The following ABCA1 variants were observed in gnomAD, a reference collection of about 807,000 sequenced individuals.
The protein encoded by ABCA1 is phospholipid-transporting ATPase ABCA1.
A neutral mutation model predicts 262.5 loss-of-function variants in ABCA1; 133 were observed. That is an observed-to-expected ratio of 0.51 (90% confidence interval 0.44 to 0.59). The LOEUF (loss-of-function observed/expected upper bound fraction) is 0.59. Among genes scored for constraint, ABCA1 ranks in the 20% least tolerant of loss-of-function variants. The pLI is 0.00. For missense variants in ABCA1, 2,452 were observed against 2,777.5 expected (o/e 0.88, Z 2.63); for synonymous variants, 1,022 against 1,043.5 (o/e 0.98, Z 0.40).
chr9:104,804,483 T>C, intron 32 of ABCA1, 143 bp downstream of exon 32: 1 of 744,078 alleles, frequency 1.3e-6, no homozygotes, highest in Non-Finnish European at 2.4e-6. Context: ...CTTTTCTAGT[T>C]TGGGATAATA....
chr9:104,819,788 C>T, intron 21 of ABCA1, 65 bp from the exon 22 acceptor site: 1 of 1,613,132 alleles, frequency 6.2e-7, no homozygotes, highest in Non-Finnish European at 8.5e-7. Context: ...AGGCAGAGGA[C>T]CTAGGGGCAC....
In ABCA1 at chr9:104,787,953, C is replaced by A; in HGVS notation, c.6171G>T (p.Met2057Ile). ...GGNKRKLSTA[M>I]ALIGGPPVVF... is the part of the protein sequence containing the mutation. ...CCACAGGAGGCCCGCCGATCAAAGC[C>A]ATGGCTGTAGAGAGCTTGCGTTTGT... The change falls in exon 46 of 50, where the codon ATG becomes ATT. Residue 2057 changes from methionine to isoleucine, a missense_variant. Met to Ile is a conservative substitution (Grantham distance 10, BLOSUM62 1). Around this residue, in one of 4 missense-constraint regions of ABCA1, gnomAD observed 752 missense variants for 944.5 expected, o/e 0.80. Coordinates refer to ENST00000374736, the MANE Select transcript of ABCA1 (RefSeq NM_005502.4). 6.2e-7 allele frequency: 1 copy of A among 1,614,220 alleles called. No individual in the cohort carries two copies. Among genetic ancestry groups the A allele is most frequent in the Non-Finnish European group, 8.5e-7 (1 of 1,180,044 alleles).
chr9:104,900,814 T>C (rs1840608635), intron 2 of ABCA1, among the ~76,000 whole-genome samples: 1 of 152,222 alleles, frequency 6.6e-6, no homozygotes, highest in Non-Finnish European at 1.5e-5. Context: ...ATCAGCAACC[T>C]GAAATAAATC....
At chr9:104,834,112 T>G (rs931153007) in intron 11 of ABCA1, among the ~76,000 whole-genome samples, 2 of 150,008 alleles carry the variant, frequency 1.3e-5, no homozygotes, top group African/African-American at 4.9e-5. Flanking sequence ...TGCGCCTTTG[T>G]ATTTATTATT....
At chr9:104,893,396 T>TG (rs1839928804) in intron 2 of ABCA1, among the ~76,000 whole-genome samples, 1 of 112,286 alleles carries the variant, frequency 8.9e-6, no homozygotes, top group Non-Finnish European at 1.6e-5. Context: ...CACTCCAGCC[T>TG]GGGCAACAGA....
At position 104,831,760 on chromosome 9, in the gene ABCA1, A is replaced by G. The variant is rs1833348464; in HGVS notation, c.1577T>C (p.Leu526Pro). 1.9e-6 allele frequency: 3 copies of G among 1,614,244 alleles called. No individual in the cohort carries two copies. The highest frequency in any genetic ancestry group is 2.5e-6 in the Non-Finnish European group (3 of 1,180,048). The change falls in exon 13 of 50, where the codon CTG becomes CCG. Residue 526 changes from leucine to proline, a missense_variant. Leu to Pro is a moderately conservative substitution (Grantham distance 98). Around this residue, in one of 4 missense-constraint regions of ABCA1, gnomAD observed 1,032 missense variants for 1,089.7 expected, o/e 0.95. Coordinates refer to ENST00000374736, the MANE Select transcript of ABCA1 (RefSeq NM_005502.4). ...EVWLINKSME[L>P]LDERKFWAGI... ...AGCCCAGAACTTCCTCTCATCCAGC[A>G]GCTCCATGGACTTGTTGATGAGCCA... is the stretch of plus-strand genomic sequence containing the variant.
At chr9:104,851,989 A>G (rs777121928) in intron 7 of ABCA1, among the ~76,000 whole-genome samples, 1 of 152,254 alleles carries the variant, frequency 6.6e-6, no homozygotes, top group Non-Finnish European at 1.5e-5. Flanking sequence ...TAAATTTTTC[A>G]GGAATTCTAT....
intron 1 of ABCA1, among the ~76,000 whole-genome samples, chr9:104,924,418 T>C (rs773324532): frequency 2.6e-5 from 4 of 152,090 alleles, no homozygotes; most frequent in Non-Finnish European, 5.9e-5. Flanking sequence ...GAGACCAGCC[T>C]GGCCAACATG....
chr9:104,913,783 TTTA>T (rs1410122827), intron 1 of ABCA1, among the ~76,000 whole-genome samples: 1 of 152,050 alleles, frequency 6.6e-6, no homozygotes, highest in African/African-American at 2.4e-5. Flanking sequence ...AAGTTTTTAT[TTTA>T]TTTTATTTAT....
Position 104,817,430 on chromosome 9 carries a change from C to T in ABCA1, c.3463-26G>A, listed in dbSNP as rs529766377. 2.2e-5 allele frequency: 36 copies of T among 1,613,772 alleles called. No individual in the cohort carries two copies. The highest frequency in any genetic ancestry group is 1.7e-4 in the African/African-American group (13 of 75,024). ...CTGATGGCAAAGAAGGAGGTGAGAA[C>T]GGGTCAGGGACGGAGCAAGGCAGAG... On this transcript the variant is annotated intron_variant, in intron 23 of 49. Transcript: ENST00000374736. This position sits in a 1 kb window ranked among gnomAD's most constrained non-coding sequence, Gnocchi z 4.7.
rs773759752 is a variant in ABCA1, at chr9:104,829,125, T to C, written c.1906A>G (p.Met636Val). Residue 636 changes from methionine (M) to valine (V), a missense_variant, in exon 15 of 50, where the codon ATG becomes GTG. Physicochemically the swap from Met to Val is conservative, Grantham distance 21. Around this residue, in one of 4 missense-constraint regions of ABCA1, gnomAD observed 1,032 missense variants for 1,089.7 expected, o/e 0.95. Transcript: ENST00000374736. ...CYVDDIFLRV[M>V]SRSMPLFMTL... ...ATGAAGAGGGGCATTGACCGGCTCA[T>C]CACCCGCAGAAAGCTGGAGGCCCCA... The C allele has an allele frequency of 5.0e-6, 8 of 1,614,000 alleles. No homozygotes were observed. The highest frequency in any genetic ancestry group is 6.8e-6 in the Non-Finnish European group (8 of 1,180,048).
chr9:104,791,688 G>A (rs1308575835), intron 43 of ABCA1, among the ~76,000 whole-genome samples: 1 of 152,198 alleles, frequency 6.6e-6, no homozygotes, highest in Non-Finnish European at 1.5e-5. Context: ...GCCTCCCAAA[G>A]TGCTGGGATT....
chr9:104,857,413 G>A (rs1232416619), intron 7 of ABCA1, among the ~76,000 whole-genome samples: 1 of 152,038 alleles, frequency 6.6e-6, no homozygotes, highest in Admixed American at 6.5e-5. Context: ...TTGTATTTTT[G>A]TAGAGACAGG....
chr9:104,821,250 A>G lies in ABCA1; in HGVS notation c.2960+125T>C. On this transcript the variant is annotated intron_variant, in intron 20 of 49. Coordinates refer to ENST00000374736, the MANE Select transcript of ABCA1 (RefSeq NM_005502.4). ...GAGCGAGACTCCATCTCAAAAAAAT[A>G]AAAAAGAAAAAAAGAAAAAACAAAA... The G allele has an allele frequency of 2.9e-6, 4 of 1,362,428 alleles. No individual in the cohort carries two copies. In the South Asian group the frequency reaches 5.7e-5, roughly 19 times the overall value. 84.4% of individuals were successfully genotyped at this position (1,362,428 alleles called of 1,614,324 possible).
chr9:104,795,752 C>T (rs1829841505), intron 39 of ABCA1, among the ~76,000 whole-genome samples: 1 of 152,086 alleles, frequency 6.6e-6, no homozygotes, highest in African/African-American at 2.4e-5. Flanking sequence ...TGAATGGCGT[C>T]GCCCAGCTCT....
At chr9:104,861,546 GTGAAGTT>G in intron 6 of ABCA1, 126 bp downstream of exon 6, 1 of 1,305,858 alleles carries the variant, frequency 7.7e-7, no homozygotes, top group African/African-American at 1.4e-5. Context: ...GTAAAATTAA[GTGAAGTT>G]GTATTCAAAC....
chr9:104,859,397 A>C (rs1351199059), intron 6 of ABCA1, among the ~76,000 whole-genome samples: 1 of 144,448 alleles, frequency 6.9e-6, no homozygotes, highest in Non-Finnish European at 1.5e-5. Flanking sequence ...AGTGGACCAC[A>C]AGCTTTGAAA....
At chr9:104,847,582 G>A (rs1389028644) in intron 7 of ABCA1, among the ~76,000 whole-genome samples, 1 of 152,066 alleles carries the variant, frequency 6.6e-6, no homozygotes, top group Non-Finnish European at 1.5e-5. Flanking sequence ...TCTGTTTCTC[G>A]GCAAGGTCTT....
chr9:104,888,058 G>GGTGTGGGT (rs1554744308), intron 3 of ABCA1, among the ~76,000 whole-genome samples: 4 of 140,404 alleles, frequency 2.8e-5, no homozygotes, highest in African/African-American at 6.0e-5. Context: ...TTTCTTGAGG[G>GGTGTGGGT]GTGTGTGTGT....
Sources: allele counts gnomAD v4.1 joint callset (sites outside exome capture counted in the v4.1 genomes callset), GRCh38; gene constraint gnomAD v4.1.1; regional missense constraint gnomAD v4.1.1; non-coding constraint Gnocchi (gnomAD v3.1); transcripts MANE v1.5; gene names NCBI Gene and HGNC (gene_info 2026-07-23, HGNC 2026-07-21).